PRKN: variants seen among roughly 807,000 people sequenced by gnomAD.
The protein encoded by PRKN is E3 ubiquitin-protein ligase parkin.
A neutral mutation model predicts 59.5 loss-of-function variants in PRKN; 56 were observed. The ratio of observed to expected loss-of-function variants is 0.94; its 90% CI spans 0.76 to 1.18. The LOEUF is 1.18. Ranked by LOEUF, PRKN falls within the 50% of genes most tolerant of loss-of-function variation. The pLI is 0.00. For synonymous variants in PRKN, 250 were observed against 222.1 expected (o/e 1.13, Z -1.12); for missense variants, 657 against 596.4 (o/e 1.10, Z -1.06).
rs75727515 is a variant in PRKN at position 161,609,717 on chromosome 6, G to T, written c.872-40301C>A. Among the ~76,000 whole-genome samples the T allele has an allele frequency of 3.2e-3, 486 of 152,276 alleles. 5 individuals carry two copies. The highest frequency in any genetic ancestry group is 6.0e-3 in the Non-Finnish European group (411 of 68,024). On this transcript the variant is annotated intron_variant, in intron 7 of 11. Transcript: ENST00000366898. Reference sequence around the variant, plus strand: ...AAAAAACCCTAAGAAAACACTGCAAGTGAAGATCTACTAACAGGCAGGTTT... The same window carrying T: ...AAAAAACCCTAAGAAAACACTGCAATTGAAGATCTACTAACAGGCAGGTTT...
chr6:162,181,353 G>A (rs892930419), intron 4 of PRKN, among the ~76,000 whole-genome samples: 1 of 152,176 alleles, frequency 6.6e-6, no homozygotes, highest in African/African-American at 2.4e-5. Context: ...AAGAATACAA[G>A]TGGATGCTTG....
At position 161,680,758 on chromosome 6, in the gene PRKN, TATATATATA is replaced by T. The variant is rs1341516292; in HGVS notation, c.871+105005_871+105013del. Among the ~76,000 whole-genome samples the T allele has an allele frequency of 4.6e-3, 85 of 18,516 alleles. 3 individuals are homozygous for T. The highest frequency in any genetic ancestry group is 0.012 in the African/African-American group (79 of 6,452). 12.1% of individuals were successfully genotyped at this position (18,516 alleles called of 152,430 possible). On this transcript the variant is annotated intron_variant, in intron 7 of 11. Coordinates refer to ENST00000366898, the MANE Select transcript of PRKN (RefSeq NM_004562.3). ...ATATATATATATATATATATATATA[TATATATATA>T]TATATATATTTTTTTTTTTTTTTCT...
chr6:162,617,925 A>G (rs926750375), intron 1 of PRKN, among the ~76,000 whole-genome samples: 2 of 152,144 alleles, frequency 1.3e-5, no homozygotes, highest in Admixed American at 1.3e-4. Context: ...AACTCAGAGC[A>G]GCCCCAGTAA....
intron 2 of PRKN, among the ~76,000 whole-genome samples, chr6:162,441,052 T>C (rs1464172080): frequency 2.0e-5 from 3 of 152,140 alleles, no homozygotes; most frequent in South Asian, 2.1e-4. Flanking sequence ...TGTGATTTAA[T>C]AGAAGTTCCA....
chr6:161,891,656 C>T (rs1432055502), intron 6 of PRKN, among the ~76,000 whole-genome samples: 1 of 152,168 alleles, frequency 6.6e-6, no homozygotes, highest in Non-Finnish European at 1.5e-5. Context: ...AAATTGTGGC[C>T]AGACTACAGG....
intron 9 of PRKN, among the ~76,000 whole-genome samples, chr6:161,436,213 C>A (rs1375818717): frequency 2.3e-5 from 1 of 43,128 alleles, no homozygotes; most frequent in Non-Finnish European, 4.3e-5. Context: ...GGGCAGAGAG[C>A]AGAGGGTGGG....
chr6:162,144,014 AT>A (rs1297219578), intron 4 of PRKN, among the ~76,000 whole-genome samples: 2 of 152,334 alleles, frequency 1.3e-5, no homozygotes, highest in East Asian at 3.9e-4. Context: ...TATCTGGCTC[AT>A]TTAAAGAAAT....
intron 7 of PRKN, among the ~76,000 whole-genome samples, chr6:161,779,435 C>CTTTCCTTTTTTTTTTTTTT (rs1234367519): frequency 7.4e-5 from 3 of 40,432 alleles, no homozygotes; most frequent in Non-Finnish European, 1.5e-4. Context: ...TTTTTCTTTT[C>CTTTCCTTTTTTTTTTTTTT]TTTTCTTTTT....
chr6:162,528,831 A>T (rs2128195758), intron 1 of PRKN, among the ~76,000 whole-genome samples: 1 of 151,452 alleles, frequency 6.6e-6, no homozygotes, highest in East Asian at 1.9e-4. Context: ...ACAAAACAAA[A>T]ACCTAGAAGA....
At chr6:162,182,753 A>C (rs960255340) in intron 4 of PRKN, among the ~76,000 whole-genome samples, 3 of 152,102 alleles carry the variant, frequency 2.0e-5, no homozygotes, top group African/African-American at 7.2e-5. Flanking sequence ...TTACAAATTG[A>C]TGTTCTGTGG....
chr6:161,740,932 C>T (rs1319540224), intron 7 of PRKN, among the ~76,000 whole-genome samples: 1 of 152,212 alleles, frequency 6.6e-6, no homozygotes, highest in Non-Finnish European at 1.5e-5. Context: ...TTGTCTCACT[C>T]CCTGGACTGA....
At chr6:162,629,066 T>C (rs1783004522) in intron 1 of PRKN, among the ~76,000 whole-genome samples, 1 of 152,132 alleles carries the variant, frequency 6.6e-6, no homozygotes, top group Admixed American at 6.6e-5. Context: ...GAATGAAAAA[T>C]GAATAATCTG....
chr6:161,869,200 G>A (rs530702779), intron 6 of PRKN, among the ~76,000 whole-genome samples: 33 of 152,126 alleles, frequency 2.2e-4, no homozygotes, highest in South Asian at 1.5e-3. Flanking sequence ...CCAACATGAC[G>A]AAACCCCATG....
intron 2 of PRKN, among the ~76,000 whole-genome samples, chr6:162,416,428 T>C (rs1257026143): frequency 6.6e-6 from 1 of 152,188 alleles, no homozygotes; most frequent in Non-Finnish European, 1.5e-5. Context: ...AGAAGAAAAC[T>C]ATGTTTCTGG....
chr6:162,661,055 A>T (rs1451861942), intron 1 of PRKN, among the ~76,000 whole-genome samples: 1 of 152,162 alleles, frequency 6.6e-6, no homozygotes, highest in Non-Finnish European at 1.5e-5. Flanking sequence ...TGAGGTCAGG[A>T]GTTCAAGATA....
chr6:162,708,141 C>T (rs1177904911), intron 1 of PRKN, among the ~76,000 whole-genome samples: 2 of 152,084 alleles, frequency 1.3e-5, no homozygotes, highest in African/African-American at 4.8e-5. Context: ...TATTTTAAAG[C>T]TATTTTGAAA....
intron 2 of PRKN, among the ~76,000 whole-genome samples, chr6:162,294,316 C>T (rs988330727): frequency 6.6e-6 from 1 of 151,764 alleles, no homozygotes; most frequent in African/African-American, 2.4e-5. Flanking sequence ...CAGAGCTTGG[C>T]CTGAGAGAGA....
intron 4 of PRKN, among the ~76,000 whole-genome samples, chr6:162,086,754 CT>C (rs1779262352): frequency 6.6e-6 from 1 of 152,168 alleles, no homozygotes; most frequent in African/African-American, 2.4e-5. Flanking sequence ...TAGCATTTAT[CT>C]CCATCTTAAC....
intron 3 of PRKN, among the ~76,000 whole-genome samples, chr6:162,256,589 C>T (rs1207266732): frequency 6.6e-6 from 1 of 152,150 alleles, no homozygotes; most frequent in South Asian, 2.1e-4. Flanking sequence ...CCTGCCTCCA[C>T]GCTCATTCCT....
Sources: allele counts gnomAD v4.1 joint callset (sites outside exome capture counted in the v4.1 genomes callset), GRCh38; gene constraint gnomAD v4.1.1; transcripts MANE v1.5; gene names NCBI Gene and HGNC (gene_info 2026-07-23, HGNC 2026-07-21).